The following CELSR1 variants were observed in gnomAD, a reference collection of about 807,000 sequenced individuals.
CELSR1 encodes adhesion G protein-coupled receptor C1.
A neutral mutation model predicts 249.1 loss-of-function variants in CELSR1; 110 were observed. The ratio of observed to expected loss-of-function variants is 0.44; its 90% confidence interval spans 0.38 to 0.52. The LOEUF is 0.52. Ranked by LOEUF, CELSR1 falls within the 20% of genes least tolerant of loss-of-function variation. The pLI, the probability that CELSR1 is intolerant of heterozygous loss-of-function variation, is 0.00. For synonymous variants in CELSR1, 2,113 were observed against 1,900.0 expected (o/e 1.11, Z -2.92); for missense variants, 4,109 against 4,296.4 (o/e 0.96, Z 1.22).
At chr22:46,463,519 A>C (rs1242969098) in intron 2 of CELSR1, among the ~76,000 whole-genome samples, 188 bp downstream of exon 2, 1 of 106,312 alleles carries the variant, frequency 9.4e-6, no homozygotes, top group Non-Finnish European at 1.9e-5. Context: ...ATCTCAAAAA[A>C]GTTAAAAAAA....
At chr22:46,496,851 C>T (rs979454899) in intron 1 of CELSR1, among the ~76,000 whole-genome samples, 1 of 147,192 alleles carries the variant, frequency 6.8e-6, no homozygotes, top group Admixed American at 6.8e-5. Context: ...TTACAGTTAA[C>T]TTTTTTTTTT....
rs1010687755 is a variant in CELSR1 at position 46,363,275 on chromosome 22, G to A, written c.9036-28C>T. The A allele has an allele frequency of 3.4e-5, 55 of 1,600,626 alleles. No homozygotes were observed. The highest frequency in any genetic ancestry group is 4.6e-5 in the Non-Finnish European group (54 of 1,169,264). Reference sequence around the variant, plus strand: ...GCGCGTGGGAAGAAGCCAGCAAGCAGGTGAAGGGTCAGTGAGGGTAGCGGC... The same window carrying A: ...GCGCGTGGGAAGAAGCCAGCAAGCAAGTGAAGGGTCAGTGAGGGTAGCGGC... On this transcript the variant is annotated intron_variant, in intron 34 of 34. Transcript: ENST00000674500. This position sits in a 1 kb window ranked among gnomAD's most constrained non-coding sequence, Gnocchi z 4.3.
chr22:46,418,912 C>T (rs1312737465), intron 5 of CELSR1, among the ~76,000 whole-genome samples: 1 of 152,216 alleles, frequency 6.6e-6, no homozygotes, highest in Non-Finnish European at 1.5e-5. Flanking sequence ...GTATACAGTA[C>T]ATTTGGAAAC....
chr22:46,455,920 C>A (rs2079943856), intron 2 of CELSR1, among the ~76,000 whole-genome samples: 1 of 152,156 alleles, frequency 6.6e-6, no homozygotes, highest in African/African-American at 2.4e-5. Context: ...AGCTACGTAC[C>A]AGGGACATGG....
chr22:46,370,324 C>CA, intron 25 of CELSR1: 1 of 354,608 alleles, frequency 2.8e-6, no homozygotes, highest in South Asian at 2.1e-5. Context: ...CATGTACATA[C>CA]CCTATACACA....
rs372802690 is a variant in CELSR1 at position 46,365,341 on chromosome 22, T to A, written c.8444A>T (p.Glu2815Val). ...SDSDSELSLD[E>V]QSSSYASSHS... ...TGAGGAGGCGTAAGAGCTGCTCTGC[T>A]CATCCAGGGACAGCTCGCTATCTGA... is the stretch of plus-strand genomic sequence containing the variant. The change falls in exon 32 of 35, where the codon GAG (glutamate) becomes GTG (valine). Residue 2815 changes from glutamate to valine, a missense_variant. Physicochemically the swap from Glu to Val is moderately radical, Grantham distance 121 (BLOSUM62 -2). This residue lies in a region of CELSR1 where 1,805 missense variants were observed against 1,831.6 expected (regional missense o/e 0.99). Coordinates refer to ENST00000674500, the MANE Select transcript of CELSR1 (RefSeq NM_001378328.1). 1.9e-5 allele frequency: 31 copies of A among 1,612,862 alleles called. No homozygotes were observed. Among genetic ancestry groups the A allele is most frequent in the Non-Finnish European group, 2.5e-5 (29 of 1,179,974 alleles).
At position 46,369,668 on chromosome 22, in the gene CELSR1, C is replaced by G. The variant is rs899152527; in HGVS notation, c.7872+24G>C. On this transcript the variant is annotated intron_variant, in intron 26 of 34. Coordinates refer to ENST00000674500, the MANE Select transcript of CELSR1 (RefSeq NM_001378328.1). ...CTCATGCATGTTTGGGGCACCCGGA[C>G]TCCCGTGAAGGCCCCACACTCACGA... The G allele has an allele frequency of 1.9e-6, 3 of 1,599,024 alleles. No homozygotes were observed. The South Asian group carries it at 3.3e-5, about 18-fold the overall frequency.
rs1004247796 is a variant in CELSR1 at position 46,395,160 on chromosome 22, T to C, written c.5844-898A>G. Among the ~76,000 whole-genome samples, 12 of 151,728 alleles carry C rather than the reference T, an allele frequency of 7.9e-5. No individual in the cohort carries two copies. The highest frequency in any genetic ancestry group is 2.7e-4 in the African/African-American group (11 of 41,116). The stretch of plus-strand genomic sequence containing the variant: ...GGCCAGAGATAGAGTCTGGCGTTTA[T>C]GGATGTGTGTGTGCAGCGTGGGGGC... On this transcript the variant is annotated intron_variant, in intron 13 of 34. Transcript: ENST00000674500. This position sits in a 1 kb window ranked among gnomAD's most constrained non-coding sequence, Gnocchi z 5.5.
intron 14 of CELSR1, 53 bp downstream of exon 14, chr22:46,394,089 T>A (rs1023905737): frequency 1.9e-6 from 3 of 1,590,116 alleles, no homozygotes; most frequent in Non-Finnish European, 2.6e-6. Flanking sequence ...GGGGCAGCTG[T>A]GCATGTGTGT....
Position 46,476,378 on chromosome 22 carries a change from C to T in CELSR1, c.3545-12033G>A, listed in dbSNP as rs5768801. ...TGAGAGACCAAGGTGGGTGGATTGCCTGAGCTCAGGAGTTCGAGACCAGCC... is the reference window on the plus strand; with the variant it reads ...TGAGAGACCAAGGTGGGTGGATTGCTTGAGCTCAGGAGTTCGAGACCAGCC... On this transcript the variant is annotated intron_variant, in intron 1 of 34. Coordinates refer to ENST00000674500, the MANE Select transcript of CELSR1 (RefSeq NM_001378328.1). Among the ~76,000 whole-genome samples, 164 of 152,098 alleles carry T rather than the reference C, an allele frequency of 1.1e-3. 1 individual carries two copies. Among genetic ancestry groups the T allele is most frequent in the East Asian group, 8.2e-3 (42 of 5,152 alleles).
At chr22:46,452,579 A>G (rs2079898862) in intron 2 of CELSR1, among the ~76,000 whole-genome samples, 1 of 152,090 alleles carries the variant, frequency 6.6e-6, no homozygotes, top group Non-Finnish European at 1.5e-5. Context: ...TGGGTACAGA[A>G]CCCCATCTCG....
intron 1 of CELSR1, among the ~76,000 whole-genome samples, chr22:46,489,407 G>T: frequency 6.6e-6 from 1 of 151,730 alleles, no homozygotes; most frequent in Non-Finnish European, 1.5e-5. Context: ...TGAAGCACTT[G>T]CTGAAGCTGG....
intron 5 of CELSR1, among the ~76,000 whole-genome samples, chr22:46,424,999 T>C (rs1226016984): frequency 6.6e-6 from 1 of 152,194 alleles, no homozygotes; most frequent in East Asian, 1.9e-4. Flanking sequence ...AAACACAATG[T>C]CATACAAACG....
intron 1 of CELSR1, among the ~76,000 whole-genome samples, chr22:46,477,578 G>A (rs2080222659): frequency 6.9e-6 from 1 of 145,826 alleles, no homozygotes; most frequent in South Asian, 2.2e-4. Context: ...GGCACAATCG[G>A]CTCACTGCAA....
chr22:46,514,420 C>T (rs901308620), intron 1 of CELSR1, among the ~76,000 whole-genome samples: 4 of 152,194 alleles, frequency 2.6e-5, no homozygotes, highest in African/African-American at 9.6e-5. Flanking sequence ...CAGGTGAGGG[C>T]TGGAGTCAGG....
chr22:46,444,642 G>C (rs1326496382), intron 2 of CELSR1, among the ~76,000 whole-genome samples: 1 of 152,226 alleles, frequency 6.6e-6, no homozygotes, highest in Non-Finnish European at 1.5e-5. Context: ...TTTTCAGAAA[G>C]TAGCTGTATG....
Position 46,433,974 on chromosome 22 carries a change from C to G in CELSR1, c.4523-493G>C, listed in dbSNP as rs183630133. Among the ~76,000 whole-genome samples the G allele has an allele frequency of 6.6e-6, 1 of 152,204 alleles. No individual in the cohort carries two copies. The highest frequency in any genetic ancestry group is 1.5e-5 in the Non-Finnish European group (1 of 68,042). On this transcript the variant is annotated intron_variant, in intron 4 of 34. Coordinates refer to ENST00000674500, the MANE Select transcript of CELSR1 (RefSeq NM_001378328.1). The surrounding 1 kb of genome is among the most constrained non-coding windows in gnomAD (Gnocchi z 5.7). ...CTGGGATAACGGGCGTGAGCCACCG[C>G]GCCTGGCCTTGTTCCTTTTCTAAAT...
chr22:46,415,931 T>C (rs1254417307), intron 5 of CELSR1, among the ~76,000 whole-genome samples: 1 of 152,170 alleles, frequency 6.6e-6, no homozygotes, highest in East Asian at 1.9e-4. Flanking sequence ...GAAGACAAAG[T>C]GCGTCTCCGC....
Position 46,408,127 on chromosome 22 carries a change from G to C in CELSR1, c.5226+869C>G, listed in dbSNP as rs905545566. On this transcript the variant is annotated intron_variant, in intron 9 of 34. Transcript: ENST00000674500. This position sits in a 1 kb window ranked among gnomAD's most constrained non-coding sequence, Gnocchi z 4.6. ...AAACCGTGTGGCGCAGAAAACCGGA[G>C]GAAAGAGTGCATTCGAATCACCTTC... 1.3e-5 allele frequency among the ~76,000 whole-genome samples: 2 copies of C among 152,220 alleles called. No homozygotes were observed. The highest frequency in any genetic ancestry group is 2.9e-5 in the Non-Finnish European group (2 of 68,048).
Sources: gnomAD v4.1 joint callset for allele counts (sites outside exome capture counted in the v4.1 genomes callset) on GRCh38, gnomAD v4.1.1 for gene constraint, gnomAD v4.1.1 regional missense constraint, Gnocchi (gnomAD v3.1) non-coding constraint, MANE v1.5 for transcripts, NCBI Gene and HGNC (gene_info 2026-07-23, HGNC 2026-07-21) for gene names.